ADAM10: variants seen among roughly 807,000 people sequenced by gnomAD.
ADAM10 encodes the protein disintegrin and metalloproteinase domain-containing protein 10.
In ADAM10, 17 loss-of-function variants were observed where a neutral mutation model predicts 90.1. That is an observed-to-expected ratio of 0.19 (90% CI 0.13 to 0.28). The LOEUF is 0.28. Ranked by LOEUF, ADAM10 falls within the 10% of genes least tolerant of loss-of-function variation. The pLI is 1.00. For synonymous variants in ADAM10, 310 were observed against 298.6 expected, an observed-to-expected ratio of 1.04 and a Z score of -0.40; for missense variants, 610 against 914.3, an observed-to-expected ratio of 0.67 and a Z score of 4.29.
At chr15:58,744,825 C>G (rs1899736080) in intron 1 of ADAM10, among the ~76,000 whole-genome samples, 1 of 152,072 alleles carries the variant, frequency 6.6e-6, no homozygotes, top group Non-Finnish European at 1.5e-5. Context: ...GCTTGGGCAA[C>G]CTAGTGAGAC....
At position 58,611,847 on chromosome 15, in the gene ADAM10, G is replaced by C. The variant is rs1353340700; in HGVS notation, c.1656C>G (p.Phe552Leu). Residue 552 changes from phenylalanine (F) to leucine (L), a missense_variant, in exon 12 of 16, where the codon TTC (phenylalanine) becomes TTG (leucine). By Grantham distance (22) the Phe-to-Leu change is conservative. This residue lies in a region of ADAM10 where 150 missense variants were observed against 268.5 expected (regional missense o/e 0.56). Transcript: ENST00000260408. ...CTTGTGTATGCCTATTACAGTCTGT[G>C]AAGTTTGGTTTAGGGTCAGATGCTG... ...LCPASDPKPN[F>L]TDCNRHTQVC... The C allele has an allele frequency of 6.2e-7, 1 of 1,614,190 alleles. No homozygotes were observed. Among genetic ancestry groups the C allele is most frequent in the Non-Finnish European group, 8.5e-7 (1 of 1,180,036 alleles).
chr15:58,655,714 TA>T (rs1896803486), intron 5 of ADAM10, among the ~76,000 whole-genome samples: 1 of 57,370 alleles, frequency 1.7e-5, no homozygotes, highest in African/African-American at 1.1e-4. Flanking sequence ...ATATATAGTA[TA>T]TATATATATA....
At chr15:58,671,523 G>A (rs940279062) in intron 4 of ADAM10, among the ~76,000 whole-genome samples, 21 of 152,128 alleles carry the variant, frequency 1.4e-4, no homozygotes, top group African/African-American at 1.9e-4. Context: ...GGACATACAC[G>A]CACACATACT....
intron 8 of ADAM10, among the ~76,000 whole-genome samples, chr15:58,638,163 G>C (rs1896319009): frequency 6.6e-6 from 1 of 152,014 alleles, no homozygotes; most frequent in South Asian, 2.1e-4. Flanking sequence ...CTGAAGTTGG[G>C]GGTTTAACAT....
At chr15:58,746,376 C>A (rs1449471970) in intron 1 of ADAM10, among the ~76,000 whole-genome samples, 1 of 152,104 alleles carries the variant, frequency 6.6e-6, no homozygotes, top group Admixed American at 6.5e-5. Flanking sequence ...TTACTAAAAG[C>A]ACATCAGAGA....
chr15:58,691,866 G>A (rs1338814996), intron 2 of ADAM10, among the ~76,000 whole-genome samples: 3 of 151,632 alleles, frequency 2.0e-5, no homozygotes, highest in African/African-American at 4.8e-5. Flanking sequence ...AGTAGAGACG[G>A]GCTTTCACCA....
intron 1 of ADAM10, among the ~76,000 whole-genome samples, chr15:58,725,890 A>C (rs1240873142): frequency 5.9e-5 from 9 of 152,204 alleles, no homozygotes; most frequent in Non-Finnish European, 1.3e-4. Context: ...AAAGCTTACA[A>C]TGCATCACTA....
chr15:58,704,550 T>C (rs1395506646), intron 2 of ADAM10, among the ~76,000 whole-genome samples: 1 of 152,200 alleles, frequency 6.6e-6, no homozygotes, highest in Non-Finnish European at 1.5e-5. Context: ...CTTTTCATTT[T>C]ACTACAATAA....
At chr15:58,617,950 T>C (rs7174414) in intron 11 of ADAM10, among the ~76,000 whole-genome samples, 25,847 of 149,506 alleles carry the variant, frequency 0.17, 2,507 homozygotes, top group East Asian at 0.4. Flanking sequence ...ATTAATACTG[T>C]GAAAACGGCC....
Position 58,717,418 on chromosome 15 carries a change from A to G in ADAM10, c.206+159T>C, listed in dbSNP as rs531715538. On this transcript the variant is annotated intron_variant, in intron 2 of 15. Coordinates refer to ENST00000260408, the MANE Select transcript of ADAM10 (RefSeq NM_001110.4). The stretch of plus-strand genomic sequence containing the variant: ...ATATAAAAGGGCAATCCATTTTAAA[A>G]TAAGTCATTTTTTAATGCATATACC... Among the ~76,000 whole-genome samples the G allele has an allele frequency of 1.3e-3, 205 of 152,338 alleles. 1 individual carries two copies. Among genetic ancestry groups the G allele is most frequent in the African/African-American group, 4.4e-3 (185 of 41,588 alleles).
chr15:58,640,801 G>A lies in ADAM10; in HGVS notation c.988C>T (p.Leu330=), dbSNP rs1896399630. The A allele has an allele frequency of 6.2e-7, 1 of 1,614,012 alleles. No homozygotes were observed. The highest frequency in any genetic ancestry group is 2.2e-5 in the East Asian group (1 of 44,864). ...DRDFDDGVLG[L]AWVGAPSGSS... is the part of the protein sequence containing the mutation. Reference sequence around the variant, plus strand: ...CCTGAAGGTGCTCCAACCCAAGCCAGACCAAGTACGCCATCATCAAAATCT... The same window carrying A: ...CCTGAAGGTGCTCCAACCCAAGCCAAACCAAGTACGCCATCATCAAAATCT... Residue 330 remains leucine, a synonymous_variant, in exon 8 of 16, where the codon CTG becomes TTG. Transcript: ENST00000260408.
intron 12 of ADAM10, 80 bp downstream of exon 12, chr15:58,611,728 T>C (rs1273428407): frequency 1.5e-6 from 2 of 1,345,816 alleles, no homozygotes; most frequent in East Asian, 2.4e-5. Context: ...ACTTTAACTA[T>C]GTAGCTTTAA....
intron 2 of ADAM10, among the ~76,000 whole-genome samples, chr15:58,687,174 G>T (rs1264148087): frequency 1.3e-5 from 2 of 152,132 alleles, no homozygotes; most frequent in African/African-American, 4.8e-5. Context: ...TTCTAAATGG[G>T]AAGATTGTTT....
intron 9 of ADAM10, among the ~76,000 whole-genome samples, chr15:58,630,943 T>C (rs12708455): frequency 0.22 from 32,942 of 152,010 alleles, 4,285 homozygotes; most frequent in East Asian, 0.4. Context: ...CCCTCATCAA[T>C]AGATTAATGC....
intron 11 of ADAM10, among the ~76,000 whole-genome samples, chr15:58,613,538 T>TA (rs1373707343): frequency 4.0e-5 from 6 of 151,866 alleles, no homozygotes; most frequent in South Asian, 2.1e-4. Flanking sequence ...AAAATATAGA[T>TA]AAAAAATTCA....
At chr15:58,675,348 T>C (rs1337345701) in intron 4 of ADAM10, among the ~76,000 whole-genome samples, 2 of 152,196 alleles carry the variant, frequency 1.3e-5, no homozygotes, top group Non-Finnish European at 2.9e-5. Flanking sequence ...TCTATAAGTA[T>C]AGAATAAAAA....
chr15:58,629,889 C>CAAG (rs1566973035), intron 9 of ADAM10, among the ~76,000 whole-genome samples: 1 of 152,052 alleles, frequency 6.6e-6, no homozygotes, highest in Non-Finnish European at 1.5e-5. Context: ...ACCTTAGCTT[C>CAAG]TCGAGTAGCT....
intron 12 of ADAM10, chr15:58,611,458 C>G (rs1595988992): frequency 6.2e-6 from 2 of 324,160 alleles, no homozygotes; most frequent in East Asian, 1.4e-4. Flanking sequence ...AAGTGATATT[C>G]AGCCACAAAA....
chr15:58,611,784 TA>T, intron 12 of ADAM10, 23 bp downstream of exon 12: 1 of 1,608,632 alleles, frequency 6.2e-7, no homozygotes, highest in Non-Finnish European at 8.5e-7. Flanking sequence ...AATTAAATTT[TA>T]AAACATATAG....
Sources: allele counts gnomAD v4.1 joint callset (sites outside exome capture counted in the v4.1 genomes callset), GRCh38; gene constraint gnomAD v4.1.1; regional missense constraint gnomAD v4.1.1; transcripts MANE v1.5; gene names NCBI Gene and HGNC (gene_info 2026-07-23, HGNC 2026-07-21).